The following CSMD3 variants were observed in gnomAD, a reference collection of about 807,000 sequenced individuals.
The protein encoded by CSMD3 is CUB and sushi domain-containing protein 3.
In CSMD3, 177 loss-of-function variants were observed where a neutral mutation model predicts 435.2. That is an observed-to-expected ratio of 0.41 (90% confidence interval 0.36 to 0.46). CSMD3 has a LOEUF of 0.46. CSMD3 is among the 20% of genes least tolerant of loss of function. The probability of loss-of-function intolerance (pLI) is 0.34; values close to 1 mark genes in which losing one functional copy is unlikely to be tolerated. For missense variants in CSMD3, 4,265 were observed against 4,504.6 expected (o/e 0.95, Z 1.52); for synonymous variants, 1,656 against 1,520.5 (o/e 1.09, Z -2.07).
intron 58 of CSMD3, among the ~76,000 whole-genome samples, chr8:112,281,617 A>G (rs1282283074): frequency 5.3e-5 from 8 of 152,172 alleles, no homozygotes; most frequent in Admixed American, 3.9e-4. Flanking sequence ...ATAATTATTC[A>G]AAGAGTACTG....
At chr8:112,411,839 A>T (rs1204370108) in intron 32 of CSMD3, among the ~76,000 whole-genome samples, 1 of 152,104 alleles carries the variant, frequency 6.6e-6, no homozygotes. Flanking sequence ...TGCCTGGTTG[A>T]AAGTGATGCA....
intron 4 of CSMD3, among the ~76,000 whole-genome samples, chr8:113,116,346 C>T (rs551074976): frequency 5.3e-5 from 8 of 152,196 alleles, no homozygotes; most frequent in Non-Finnish European, 8.8e-5. Flanking sequence ...TGCCTTCGCT[C>T]GATTCTCATT....
intron 11 of CSMD3, among the ~76,000 whole-genome samples, chr8:112,847,796 T>C (rs1459152537): frequency 6.6e-6 from 1 of 152,104 alleles, no homozygotes; most frequent in Non-Finnish European, 1.5e-5. Flanking sequence ...GTGACAAGAA[T>C]TGTTCAGATG....
At chr8:112,970,999 G>A (rs1213918295) in intron 7 of CSMD3, among the ~76,000 whole-genome samples, 1 of 152,098 alleles carries the variant, frequency 6.6e-6, no homozygotes. Flanking sequence ...GGGATGACAG[G>A]CGTGGGCCAC....
intron 13 of CSMD3, among the ~76,000 whole-genome samples, chr8:112,698,654 G>A (rs187859190): frequency 3.3e-5 from 5 of 152,214 alleles, no homozygotes; most frequent in African/African-American, 4.8e-5. Flanking sequence ...TGGCTATTCT[G>A]GTGCAATTTA....
chr8:112,345,719 G>A (rs1825599771), intron 41 of CSMD3, among the ~76,000 whole-genome samples: 1 of 151,948 alleles, frequency 6.6e-6, no homozygotes. Flanking sequence ...GGTTTTAAGT[G>A]TTCTCACCAT....
chr8:112,473,947 T>C (rs1410681514), intron 31 of CSMD3, among the ~76,000 whole-genome samples: 6 of 152,030 alleles, frequency 3.9e-5, no homozygotes, highest in Non-Finnish European at 7.4e-5. Flanking sequence ...CGACAGCTAG[T>C]AGGAAGCCTG....
chr8:113,018,629 T>C (rs1427882095), intron 6 of CSMD3: 1 of 173,696 alleles, frequency 5.8e-6, no homozygotes, highest in East Asian at 1.6e-4. Context: ...ATTATTTATG[T>C]TAACACAATT....
intron 3 of CSMD3, among the ~76,000 whole-genome samples, chr8:113,198,669 T>C (rs2092686398): frequency 6.6e-6 from 1 of 151,356 alleles, no homozygotes; most frequent in African/African-American, 2.4e-5. Flanking sequence ...TAAATGATTA[T>C]TTATTTTGCA....
chr8:112,510,621 T>C (rs936362034), intron 28 of CSMD3, among the ~76,000 whole-genome samples: 1 of 152,164 alleles, frequency 6.6e-6, no homozygotes, highest in African/African-American at 2.4e-5. Context: ...TTGCTTCTCT[T>C]ATTGTATTTG....
At chr8:112,945,704 T>G (rs2083588820) in intron 9 of CSMD3, among the ~76,000 whole-genome samples, 1 of 151,544 alleles carries the variant, frequency 6.6e-6, no homozygotes, top group Non-Finnish European at 1.5e-5. Context: ...CAGTCCATAT[T>G]AGGCTGAATG....
At chr8:112,316,765 C>T (rs1449126773) in intron 47 of CSMD3, among the ~76,000 whole-genome samples, 1 of 151,742 alleles carries the variant, frequency 6.6e-6, no homozygotes, top group East Asian at 1.9e-4. Flanking sequence ...GTTTTTAAAC[C>T]AGAAAATGTA....
intron 40 of CSMD3, among the ~76,000 whole-genome samples, chr8:112,347,980 TG>T: frequency 6.6e-6 from 1 of 152,318 alleles, no homozygotes; most frequent in African/African-American, 2.4e-5. Flanking sequence ...AGATATGAAC[TG>T]GAATTCCTGT....
intron 61 of CSMD3, among the ~76,000 whole-genome samples, chr8:112,259,503 T>C (rs757320680): frequency 1.3e-5 from 2 of 152,090 alleles, no homozygotes; most frequent in Non-Finnish European, 2.9e-5. Context: ...GACAGGTTGA[T>C]GAGTGCAGCA....
intron 3 of CSMD3, among the ~76,000 whole-genome samples, chr8:113,275,764 T>C (rs2093564665): frequency 1.3e-5 from 2 of 151,792 alleles, no homozygotes; most frequent in African/African-American, 2.4e-5. Context: ...CTTTGAGAGA[T>C]AGAGGCAGGA....
chr8:112,933,797 G>A (rs996740061), intron 9 of CSMD3, among the ~76,000 whole-genome samples: 3 of 152,002 alleles, frequency 2.0e-5, no homozygotes, highest in African/African-American at 4.8e-5. Flanking sequence ...GCTAGTGAGG[G>A]GGTAAAGACA....
At chr8:113,353,213 G>A (rs1260788112) in intron 1 of CSMD3, among the ~76,000 whole-genome samples, 2 of 152,124 alleles carry the variant, frequency 1.3e-5, no homozygotes, top group African/African-American at 4.8e-5. Context: ...GACATAGGAG[G>A]AGTAGAAAAA....
chr8:113,419,204 C>T (rs1395752739), intron 1 of CSMD3, among the ~76,000 whole-genome samples: 1 of 150,634 alleles, frequency 6.6e-6, no homozygotes, highest in East Asian at 2.0e-4. Context: ...CTGCAAACTC[C>T]GCCTCCTGGA....
At chr8:112,514,945 T>C (rs1286824292) in intron 28 of CSMD3, among the ~76,000 whole-genome samples, 2 of 152,018 alleles carry the variant, frequency 1.3e-5, no homozygotes, top group Non-Finnish European at 2.9e-5. Context: ...AATTTATATC[T>C]TCCCCTCAAG....
Sources: allele counts gnomAD v4.1 joint callset (sites outside exome capture counted in the v4.1 genomes callset), GRCh38; gene constraint gnomAD v4.1.1; transcripts MANE v1.5; gene names NCBI Gene and HGNC (gene_info 2026-07-23, HGNC 2026-07-21).